NEU4: variants seen among roughly 807,000 people sequenced by gnomAD.
The protein encoded by NEU4 is neuraminidase 4, also known as sialidase-4.
In NEU4, 7 loss-of-function variants were observed where a neutral mutation model predicts 9.9. The ratio of observed to expected loss-of-function variants is 0.71; its 90% CI spans 0.40 to 1.33. The LOEUF (loss-of-function observed/expected upper bound fraction) is 1.33. NEU4 is among the 40% of genes most tolerant of loss of function. The probability of loss-of-function intolerance (pLI) is 0.01; values close to 1 mark genes in which losing one functional copy is unlikely to be tolerated. For synonymous variants in NEU4, 348 were observed against 316.9 expected (o/e 1.10, Z -1.04); for missense variants, 717 against 712.6 (o/e 1.01, Z -0.07).
chr2:241,813,269 G>A (rs560804123), intron 1 of NEU4: 27 of 992,552 alleles, frequency 2.7e-5, no homozygotes, highest in African/African-American at 2.6e-4. Context: ...GTAGGCAGGC[G>A]TTCTGCCCTG....
At chr2:241,810,446 C>T (rs1575376487) in intron 1 of NEU4, 1 of 152,208 alleles carries the variant, frequency 6.6e-6, no homozygotes, top group South Asian at 2.1e-4. Context: ...ATCATCTCAG[C>T]CTGGAAACCA....
Position 241,815,138 on chromosome 2 carries a change from G to T in NEU4, c.448G>T (p.Ala150Ser). The T allele has an allele frequency of 6.4e-7, 1 of 1,563,690 alleles. No homozygotes were observed. The highest frequency in any genetic ancestry group is 8.6e-7 in the Non-Finnish European group (1 of 1,157,470). ...CCTCACCGAGGAGGCCATCGGTGGT[G>T]CCGTGCAGGGTAGGCGGGCAGGGTG... is the stretch of plus-strand genomic sequence containing the variant. ...RDLTEEAIGG[A>S]VQDWATFAVG... Residue 150 changes from alanine to serine, a missense_variant, in exon 3 of 4, where the codon GCC becomes TCC. Transcript: ENST00000407683.
At position 241,816,477 on chromosome 2, in the gene NEU4, G is replaced by A. The variant is rs765933500; in HGVS notation, c.884G>A (p.Ser295Asn). The change falls in exon 4 of 4, where the codon AGT becomes AAT. Residue 295 changes from serine to asparagine, a missense_variant. Physicochemically the swap from Ser to Asn is conservative, Grantham distance 46. Transcript: ENST00000407683. The stretch of plus-strand genomic sequence containing the variant: ...GCCCCCAACAGGCCACGGGATGACA[G>A]TTGGTCAGTGGGCCCCGGGAGTCCC... ...APAPNRPRDD[S>N]WSVGPGSPLQ... The A allele has an allele frequency of 3.7e-6, 6 of 1,609,760 alleles. No homozygotes were observed. Among genetic ancestry groups the A allele is most frequent in the Non-Finnish European group, 5.1e-6 (6 of 1,179,108 alleles).
intron 1 of NEU4, chr2:241,813,249 G>T (rs1441794004): frequency 1.1e-6 from 1 of 891,338 alleles, no homozygotes; most frequent in Non-Finnish European, 1.4e-6. Context: ...GGTGTGCATG[G>T]GTCCCCGTCG....
At chr2:241,810,706 AAGGGAC>A (rs1700086160) in intron 1 of NEU4, 1 of 156,314 alleles carries the variant, frequency 6.4e-6, no homozygotes, top group Non-Finnish European at 1.4e-5. Flanking sequence ...GCCAGCGTGA[AAGGGAC>A]TGGCAGGAGT....
In NEU4 at chr2:241,816,097, CT is replaced by C; in HGVS notation, c.505del (p.Ser169GlnfsTer154). On this transcript the variant is annotated frameshift_variant, in exon 4 of 4. Coordinates refer to ENST00000407683, the MANE Select transcript of NEU4 (RefSeq NM_001167600.3). LOFTEE classifies it low-confidence loss of function (END_TRUNC). ...VGPGHGVQLP[S>X]GRLLVPAYTY... Reference sequence around the variant, plus strand: ...GTCCCGGCCACGGTGTGCAGCTGCCCTCAGGCCGCCTGCTGGTACCCGCCTA... The same window carrying C: ...GTCCCGGCCACGGTGTGCAGCTGCCCCAGGCCGCCTGCTGGTACCCGCCTA... The C allele has an allele frequency of 6.2e-7, 1 of 1,610,540 alleles. No individual in the cohort carries two copies.
intron 1 of NEU4, chr2:241,811,288 C>T (rs1294580051): frequency 7.7e-7 from 1 of 1,292,176 alleles, no homozygotes; most frequent in Non-Finnish European, 9.9e-7. Flanking sequence ...ACCCCTGGCC[C>T]TGCTCTGGGC....
Position 241,812,713 on chromosome 2 carries a change from G to A in NEU4, c.-3-1769G>A, listed in dbSNP as rs373504777. On this transcript the variant is annotated intron_variant, in intron 1 of 3. Coordinates refer to ENST00000407683, the MANE Select transcript of NEU4 (RefSeq NM_001167600.3). The stretch of plus-strand genomic sequence containing the variant: ...GTGGCAAGGAAGCCCCAAGCCAAGT[G>A]TGTGTCAGCCTTGTCCTCTCTGTGG... Among the ~76,000 whole-genome samples, 116 of 149,528 alleles carry A rather than the reference G, an allele frequency of 7.8e-4. 2 individuals carry two copies. The highest frequency in any genetic ancestry group is 3.4e-3 in the Middle Eastern group (1 of 292).
At chr2:241,815,750 C>A in intron 3 of NEU4, 1 of 575,456 alleles carries the variant, frequency 1.7e-6, no homozygotes, top group East Asian at 3.0e-5. Context: ...CATGGCCAAC[C>A]CAGGGACCCC....
chr2:241,809,693 A>T (rs1487801622), intron 1 of NEU4: 2 of 167,822 alleles, frequency 1.2e-5, no homozygotes, highest in African/African-American at 4.8e-5. Context: ...GTCCAGGCAG[A>T]GATGCCCAGG....
At position 241,816,413 on chromosome 2, in the gene NEU4, TGGGG is replaced by T; in HGVS notation, c.821_824del (p.Trp274SerfsTer48). The T allele has an allele frequency of 6.2e-7, 1 of 1,605,510 alleles. No homozygotes were observed. The highest frequency in any genetic ancestry group is 8.5e-7 in the Non-Finnish European group (1 of 1,178,084). On this transcript the variant is annotated frameshift_variant, in exon 4 of 4. Coordinates refer to ENST00000407683, the MANE Select transcript of NEU4 (RefSeq NM_001167600.3). LOFTEE classifies it low-confidence loss of function (END_TRUNC). ...CGTGGCTTCCCTGCCCGAGACTGCC[TGGGG>T]CTGCCAGGGCAGCATCGTGGGCTTC... is the stretch of plus-strand genomic sequence containing the variant.
chr2:241,817,275 C>T lies in NEU4; in HGVS notation c.*227C>T. 1.9e-6 allele frequency: 1 copy of T among 533,316 alleles called. No homozygotes were observed. Among genetic ancestry groups the T allele is most frequent in the Non-Finnish European group, 3.2e-6 (1 of 311,806 alleles). 33.0% of individuals were successfully genotyped at this position (533,316 alleles called of 1,614,324 possible). A position where few individuals can be genotyped will look rare whatever the true frequency, so the allele number is the denominator to read the frequency against. On this transcript the variant is annotated 3_prime_UTR_variant, in exon 4 of 4. Transcript: ENST00000407683. ...GGCAGGGTGGGGGCACGAAGTGGGC[C>T]CTGGGTGACCCCCACAGCTCCCTTC...
chr2:241,814,616 C>T lies in NEU4; in HGVS notation c.132C>T (p.Leu44=). Residue 44 remains leucine, a synonymous_variant, in exon 2 of 4, where the codon CTC becomes CTT. Transcript: ENST00000407683. ...TGCTGGCCTTTGTGGAGCAGCGGCT[C>T]AGCCCTGACGACTCCCACGCCCACC... ...PTLLAFVEQR[L]SPDDSHAHRL... 6.2e-7 allele frequency: 1 copy of T among 1,606,448 alleles called. No homozygotes were observed. The highest frequency in any genetic ancestry group is 8.5e-7 in the Non-Finnish European group (1 of 1,177,428).
intron 1 of NEU4, chr2:241,814,273 G>C: frequency 6.4e-6 from 4 of 620,430 alleles, no homozygotes; most frequent in Non-Finnish European, 8.8e-6. Context: ...GGGTGGAGTG[G>C]GTGCGAGGGA....
At chr2:241,815,254 A>G (rs1700282505) in intron 3 of NEU4, 107 bp downstream of exon 3, 2 of 1,344,034 alleles carry the variant, frequency 1.5e-6, no homozygotes, top group Admixed American at 5.5e-5. Flanking sequence ...GTCTCCAGCC[A>G]CAAGGGAACC....
At chr2:241,815,429 CGT>C (rs1700292798) in intron 3 of NEU4, 1 of 591,262 alleles carries the variant, frequency 1.7e-6, no homozygotes, top group African/African-American at 1.9e-5. Context: ...CTGCACCTCC[CGT>C]CCCAGGCAAA....
In NEU4 at chr2:241,816,987, C is replaced by T. The variant is rs960161158; in HGVS notation, c.1394C>T (p.Pro465Leu). The change falls in exon 4 of 4, where the codon CCC (proline) becomes CTC (leucine). Residue 465 changes from proline (P) to leucine (L), a missense_variant. Transcript: ENST00000407683. ...FSLREVLENV[P>L]ASPKPPNLGD... ...CTGCGTGAGGTCCTGGAGAACGTGC[C>T]CGCCAGCCCCAAACCGCCCAACCTT... 1 of 1,610,604 alleles carries T rather than the reference C, an allele frequency of 6.2e-7. No homozygotes were observed. Among genetic ancestry groups the T allele is most frequent in the African/African-American group, 1.3e-5 (1 of 74,876 alleles).
Position 241,809,266 on chromosome 2 carries a change from C to A in NEU4, c.-12C>A, listed in dbSNP as rs1242560351. 2 of 1,288,356 alleles carry A rather than the reference C, an allele frequency of 1.6e-6. No individual in the cohort carries two copies. Among genetic ancestry groups the A allele is most frequent in the Non-Finnish European group, 2.0e-6 (2 of 987,968 alleles). 79.8% of individuals were successfully genotyped at this position (1,288,356 alleles called of 1,614,324 possible). A position where few individuals can be genotyped will look rare whatever the true frequency, so the allele number is the denominator to read the frequency against. Reference sequence around the variant, plus strand: ...TCTCTGCCTTTGAGGTTGGCGGGAACTGAAACTGGTACGGTCTTTTTGAAT... The same window carrying A: ...TCTCTGCCTTTGAGGTTGGCGGGAAATGAAACTGGTACGGTCTTTTTGAAT... On this transcript the variant is annotated 5_prime_UTR_variant, in exon 1 of 4. It adds an upstream start codon to the 5' untranslated region. Transcript: ENST00000407683.
Position 241,817,122 on chromosome 2 carries a change from A to G in NEU4, c.*74A>G, listed in dbSNP as rs1349833003. On this transcript the variant is annotated 3_prime_UTR_variant, in exon 4 of 4. Coordinates refer to ENST00000407683, the MANE Select transcript of NEU4 (RefSeq NM_001167600.3). ...GTGGAATACGTTGGGGTGCCCCACG[A>G]TAGCTGTGGGGGGGGCTCTTAGTGC... The G allele has an allele frequency of 4.3e-6, 6 of 1,400,066 alleles. No individual in the cohort carries two copies. The highest frequency in any genetic ancestry group is 4.7e-6 in the Non-Finnish European group (5 of 1,059,946). 86.7% of individuals were successfully genotyped at this position (1,400,066 alleles called of 1,614,324 possible). A position where few individuals can be genotyped will look rare whatever the true frequency, so the allele number is the denominator to read the frequency against.
Sources: allele counts gnomAD v4.1 joint callset (sites outside exome capture counted in the v4.1 genomes callset), GRCh38; gene constraint gnomAD v4.1.1; transcripts MANE v1.5; gene names NCBI Gene and HGNC (gene_info 2026-07-23, HGNC 2026-07-21).